SHROOM3: variants seen among roughly 807,000 people sequenced by gnomAD.
SHROOM3 encodes the protein shroom family member 3.
In SHROOM3, 47 loss-of-function variants were observed where a neutral mutation model predicts 138.6. The observed-to-expected ratio is 0.34, with a 90% CI of 0.27 to 0.43. The LOEUF (loss-of-function observed/expected upper bound fraction) is 0.43. Ranked by LOEUF, SHROOM3 falls within the 20% of genes least tolerant of loss-of-function variation. The pLI, the probability that SHROOM3 is intolerant of heterozygous loss-of-function variation, is 1.00. For missense variants in SHROOM3, 2,491 were observed against 2,596.5 expected (o/e 0.96, Z 0.88); for synonymous variants, 1,062 against 1,063.3 (o/e 1.00, Z 0.02).
chr4:76,719,727 T>C (rs1720479238), intron 3 of SHROOM3, among the ~76,000 whole-genome samples: 1 of 152,168 alleles, frequency 6.6e-6, no homozygotes, highest in African/African-American at 2.4e-5. Flanking sequence ...CTAGTCCCTC[T>C]CTTTTATAGT....
rs1721161549 is a variant in SHROOM3, at chr4:76,738,991, C to G, written c.818C>G (p.Pro273Arg). The change falls in exon 5 of 11, where the codon CCA becomes CGA. Residue 273 changes from proline (P) to arginine (R), a missense_variant. Pro to Arg is a moderately radical substitution (Grantham distance 103). Coordinates refer to ENST00000296043, the MANE Select transcript of SHROOM3 (RefSeq NM_020859.4). The part of the protein sequence containing the change: ...FSTSSSILEY[P>R]HPGISGRERS... ...ACCAGTTCTAGCATCCTAGAGTATC[C>G]ACACCCTGGCATCTCTGGCCGGGAG... 6.2e-7 allele frequency: 1 copy of G among 1,614,090 alleles called. No homozygotes were observed. The highest frequency in any genetic ancestry group is 8.5e-7 in the Non-Finnish European group (1 of 1,180,038).
At chr4:76,557,087 C>A (rs1733499590) in intron 2 of SHROOM3, among the ~76,000 whole-genome samples, 1 of 152,124 alleles carries the variant, frequency 6.6e-6, no homozygotes, top group Admixed American at 6.6e-5. Context: ...AATTACTTAA[C>A]CTCACTGAAA....
chr4:76,568,198 A>G (rs1161707502), intron 2 of SHROOM3, among the ~76,000 whole-genome samples: 3 of 152,232 alleles, frequency 2.0e-5, no homozygotes, highest in Non-Finnish European at 2.9e-5. Flanking sequence ...GCTCCAAGCC[A>G]GGCTGCCTGA....
intron 1 of SHROOM3, among the ~76,000 whole-genome samples, chr4:76,496,764 C>T (rs1731976048): frequency 7.0e-6 from 1 of 143,290 alleles, no homozygotes; most frequent in Non-Finnish European, 1.5e-5. Flanking sequence ...TATTCCCTTC[C>T]TCATTCAGTC....
chr4:76,618,519 C>T (rs1029603486), intron 2 of SHROOM3, among the ~76,000 whole-genome samples: 2 of 152,124 alleles, frequency 1.3e-5, no homozygotes, highest in Non-Finnish European at 2.9e-5. Flanking sequence ...AGGAAAGTTA[C>T]AAGAGTAAGA....
chr4:76,710,327 G>T (rs1164780522), intron 3 of SHROOM3, 40 bp downstream of exon 3: 1 of 1,611,514 alleles, frequency 6.2e-7, no homozygotes, highest in Non-Finnish European at 8.5e-7. Flanking sequence ...TTCGGAAAAA[G>T]AACCCAGTCC....
At chr4:76,631,470 C>T (rs918924350) in intron 2 of SHROOM3, among the ~76,000 whole-genome samples, 1 of 152,064 alleles carries the variant, frequency 6.6e-6, no homozygotes, top group Non-Finnish European at 1.5e-5. Context: ...GCCTCAGCCT[C>T]CCAAAGTGCT....
At chr4:76,732,105 C>A (rs539664629) in intron 4 of SHROOM3, among the ~76,000 whole-genome samples, 1 of 152,312 alleles carries the variant, frequency 6.6e-6, no homozygotes, top group East Asian at 1.9e-4. Context: ...GGAACCCCTA[C>A]AAACTGGAAT....
chr4:76,706,145 C>T (rs992067308), intron 2 of SHROOM3, among the ~76,000 whole-genome samples: 15 of 152,074 alleles, frequency 9.9e-5, no homozygotes, highest in South Asian at 4.2e-4. Context: ...GTTTTTGAGA[C>T]GGAGTCTCCG....
At chr4:76,749,993 T>G (rs1721568228) in intron 6 of SHROOM3, among the ~76,000 whole-genome samples, 1 of 152,190 alleles carries the variant, frequency 6.6e-6, no homozygotes, top group African/African-American at 2.4e-5. Flanking sequence ...TACATTTCAT[T>G]CAATCATTGT....
intron 2 of SHROOM3, among the ~76,000 whole-genome samples, chr4:76,614,556 G>A (rs543868223): frequency 6.6e-6 from 1 of 152,178 alleles, no homozygotes; most frequent in East Asian, 1.9e-4. Context: ...ATGTGCCATG[G>A]TGGTCTGCTG....
In SHROOM3 at chr4:76,741,972, C is replaced by G; in HGVS notation, c.3753+46C>G. On this transcript the variant is annotated intron_variant, in intron 5 of 10. Coordinates refer to ENST00000296043, the MANE Select transcript of SHROOM3 (RefSeq NM_020859.4). The surrounding 1 kb of genome is among the most constrained non-coding windows in gnomAD (Gnocchi z 6.2). Reference sequence around the variant, plus strand: ...CTGGCCTCGAACTGTCCCTTCCTCCCTAGAAGCTTTAGTGGGGCTCCCCAA... The same window carrying G: ...CTGGCCTCGAACTGTCCCTTCCTCCGTAGAAGCTTTAGTGGGGCTCCCCAA... 6.3e-7 allele frequency: 1 copy of G among 1,598,380 alleles called. No individual in the cohort carries two copies. Among genetic ancestry groups the G allele is most frequent in the South Asian group, 1.1e-5 (1 of 88,276 alleles).
chr4:76,572,935 A>G (rs1733860888), intron 2 of SHROOM3, among the ~76,000 whole-genome samples: 2 of 151,954 alleles, frequency 1.3e-5, no homozygotes, highest in African/African-American at 4.8e-5. Flanking sequence ...ACAAAAGATT[A>G]GCCAGGTGTG....
chr4:76,549,561 G>A (rs1733303061), intron 1 of SHROOM3, among the ~76,000 whole-genome samples: 1 of 152,014 alleles, frequency 6.6e-6, no homozygotes, highest in South Asian at 2.1e-4. Flanking sequence ...TAGAGACGGG[G>A]TTTCACCATG....
rs567953602 is a variant in SHROOM3, at chr4:76,669,677, T to A, written c.324-40479T>A. On this transcript the variant is annotated intron_variant, in intron 2 of 10. Coordinates refer to ENST00000296043, the MANE Select transcript of SHROOM3 (RefSeq NM_020859.4). ...TTAAATAAACTTTTTGCTTAAAATT[T>A]AAAAAAAAAATAATAATTGTTGTGC... 3.5e-4 allele frequency among the ~76,000 whole-genome samples: 52 copies of A among 150,640 alleles called. 1 individual carries two copies. Among genetic ancestry groups the A allele is most frequent in the South Asian group, 8.4e-4 (4 of 4,766 alleles).
chr4:76,699,941 G>A (rs977147736), intron 2 of SHROOM3, among the ~76,000 whole-genome samples: 1 of 152,110 alleles, frequency 6.6e-6, no homozygotes, highest in Non-Finnish European at 1.5e-5. Flanking sequence ...TGTAGTCCAA[G>A]CAGAATATCA....
At chr4:76,737,540 C>T (rs1414179648) in intron 4 of SHROOM3, among the ~76,000 whole-genome samples, 1 of 152,152 alleles carries the variant, frequency 6.6e-6, no homozygotes, top group African/African-American at 2.4e-5. Flanking sequence ...TTTTGCATTA[C>T]CACCTGCAAT....
At chr4:76,766,806 C>G (rs1021110747) in intron 9 of SHROOM3, among the ~76,000 whole-genome samples, 6 of 152,170 alleles carry the variant, frequency 3.9e-5, no homozygotes, top group Admixed American at 3.3e-4. Flanking sequence ...CAAATGCCAC[C>G]TAACTGAGGA....
chr4:76,552,377 C>T (rs1191818521), intron 1 of SHROOM3, among the ~76,000 whole-genome samples: 1 of 150,778 alleles, frequency 6.6e-6, no homozygotes, highest in Admixed American at 6.6e-5. Context: ...CCTGTTGGCA[C>T]ACGCCTATAG....
Sources: gnomAD v4.1 joint callset for allele counts (sites outside exome capture counted in the v4.1 genomes callset) on GRCh38, gnomAD v4.1.1 for gene constraint, Gnocchi (gnomAD v3.1) non-coding constraint, MANE v1.5 for transcripts, NCBI Gene and HGNC (gene_info 2026-07-23, HGNC 2026-07-21) for gene names.